Variants in KALRN observed in about 807,000 individuals in gnomAD.
KALRN encodes kalirin.
Under a neutral mutation model 353.7 loss-of-function variants are expected in KALRN, and 70 were observed. The observed-to-expected ratio is 0.20, with a 90% CI of 0.16 to 0.24. The LOEUF (loss-of-function observed/expected upper bound fraction) is 0.24, where lower values mean the gene tolerates loss of function less well. Ranked by LOEUF, KALRN falls within the 10% of genes least tolerant of loss-of-function variation. The pLI, the probability that KALRN is intolerant of heterozygous loss-of-function variation, is 1.00. For missense variants in KALRN, 2,791 were observed against 3,756.7 expected (o/e 0.74, Z 6.72); for synonymous variants, 1,391 against 1,434.8 (o/e 0.97, Z 0.69).
At chr3:124,130,415 C>T (rs1047114229) in intron 1 of KALRN, among the ~76,000 whole-genome samples, 1 of 152,148 alleles carries the variant, frequency 6.6e-6, no homozygotes, top group African/African-American at 2.4e-5. Context: ...TAAAGACTAA[C>T]ATCAGTTATC....
intron 1 of KALRN, among the ~76,000 whole-genome samples, chr3:124,059,090 CCTTTAA>C (rs1045488901): frequency 1.2e-4 from 18 of 152,044 alleles, no homozygotes; most frequent in African/African-American, 4.4e-4. Context: ...GTGTGGAGGT[CCTTTAA>C]CTTTCTCAGT....
At chr3:124,686,331 T>C (rs1297723367) in intron 51 of KALRN, among the ~76,000 whole-genome samples, 4 of 152,230 alleles carry the variant, frequency 2.6e-5, no homozygotes, top group African/African-American at 9.6e-5. Context: ...ACTATTCGCG[T>C]TATTCCCACT....
At chr3:124,335,557 A>T (rs1387363744) in intron 9 of KALRN, among the ~76,000 whole-genome samples, 1 of 152,044 alleles carries the variant, frequency 6.6e-6, no homozygotes, top group South Asian at 2.1e-4. Flanking sequence ...TGGAGGACTA[A>T]TATACTAGTG....
intron 9 of KALRN, among the ~76,000 whole-genome samples, chr3:124,339,788 A>T (rs2081501837): frequency 6.6e-6 from 1 of 152,220 alleles, no homozygotes; most frequent in Non-Finnish European, 1.5e-5. Context: ...GGTAGGAATT[A>T]AGAGAGGATA....
chr3:124,664,334 AGTGTGTGT>A (rs750940277), intron 45 of KALRN, among the ~76,000 whole-genome samples: 170 of 126,864 alleles, frequency 1.3e-3, no homozygotes, highest in Non-Finnish European at 1.7e-3. Flanking sequence ...TGTACATGTG[AGTGTGTGT>A]GTGTGTGTGT....
intron 33 of KALRN, among the ~76,000 whole-genome samples, chr3:124,520,121 T>TG (rs1345095808): frequency 6.8e-6 from 1 of 147,510 alleles, no homozygotes; most frequent in Non-Finnish European, 1.5e-5. Context: ...AGGAGTGTGG[T>TG]GGGGGGAAGG....
chr3:124,562,622 A>ATC, intron 33 of KALRN: 39 of 357,218 alleles, frequency 1.1e-4, no homozygotes, highest in South Asian at 2.4e-4. Flanking sequence ...GCACTGTGCT[A>ATC]ATTACATTTT....
Position 124,597,047 on chromosome 3 carries a change from T to TA in KALRN, c.5182+33967dup, listed in dbSNP as rs71270413. On this transcript the variant is annotated intron_variant, in intron 34 of 59. Coordinates refer to ENST00000682506, the MANE Select transcript of KALRN (RefSeq NM_001388419.1). ...TAGGTGACAGAGCAAGACTCTGTCTTAAAAAAAAACAAAAACAAAAACACA... is the reference window on the plus strand; with the variant it reads ...TAGGTGACAGAGCAAGACTCTGTCTTAAAAAAAAAACAAAAACAAAAACACA... Among the ~76,000 whole-genome samples the TA allele has an allele frequency of 6.3e-3, 913 of 145,436 alleles. 3 individuals are homozygous for TA. The highest frequency in any genetic ancestry group is 0.01 in the Non-Finnish European group (691 of 66,688).
In KALRN at chr3:124,161,769, C is replaced by T. The variant is rs1474161971; in HGVS notation, c.74-66221C>T. Among the ~76,000 whole-genome samples the T allele has an allele frequency of 2.6e-5, 4 of 152,216 alleles. No individual in the cohort carries two copies. In the East Asian group the frequency reaches 7.7e-4, roughly 29 times the overall value. ...TTATAGGATCACCCCCAATTGTCTC[C>T]TTCCTCTAGCTCCAAGGTGTTTTTG... On this transcript the variant is annotated intron_variant, in intron 1 of 59. Transcript: ENST00000682506.
intron 27 of KALRN, among the ~76,000 whole-genome samples, chr3:124,479,315 A>G (rs974669807): frequency 1.3e-5 from 2 of 152,248 alleles, no homozygotes; most frequent in African/African-American, 4.8e-5. Context: ...TGGAAGCCAC[A>G]AAACCAGTCC....
intron 1 of KALRN, among the ~76,000 whole-genome samples, chr3:124,178,477 A>C (rs1305547525): frequency 6.6e-6 from 1 of 152,242 alleles, no homozygotes; most frequent in Non-Finnish European, 1.5e-5. Context: ...TAGATGGTAC[A>C]GACTACTATA....
chr3:124,647,055 TATTTTA>T (rs557405494), intron 37 of KALRN, among the ~76,000 whole-genome samples: 5 of 152,118 alleles, frequency 3.3e-5, no homozygotes, highest in African/African-American at 4.8e-5. Context: ...TCTACTTCTT[TATTTTA>T]ATTTTAATTT....
intron 34 of KALRN, among the ~76,000 whole-genome samples, chr3:124,622,272 T>C (rs1262919849): frequency 6.6e-6 from 1 of 152,214 alleles, no homozygotes; most frequent in African/African-American, 2.4e-5. Flanking sequence ...ATTTCAGCCA[T>C]TGGAGTCAAA....
intron 33 of KALRN, among the ~76,000 whole-genome samples, chr3:124,505,985 C>T (rs2065172323): frequency 6.6e-6 from 1 of 152,168 alleles, no homozygotes; most frequent in Non-Finnish European, 1.5e-5. Flanking sequence ...TCTGCCACAA[C>T]CAAAGTGGCA....
chr3:124,276,146 G>A (rs111477849), intron 5 of KALRN, among the ~76,000 whole-genome samples: 177 of 152,254 alleles, frequency 1.2e-3, no homozygotes, highest in African/African-American at 4.1e-3. Context: ...CAATGTTTAT[G>A]CATTTTAATA....
Position 124,722,693 on chromosome 3 carries a change from G to C in KALRN, c.*3223G>C, listed in dbSNP as rs2063373937. On this transcript the variant is annotated 3_prime_UTR_variant, in exon 60 of 60. Transcript: ENST00000682506. ...AGGGGCCACTCTTGTTCCTGTTTTG[G>C]CGGAGAGATTTATTACTTGGTAGTA... 6.6e-6 allele frequency: 1 copy of C among 152,160 alleles called. No individual in the cohort carries two copies. The highest frequency in any genetic ancestry group is 6.5e-5 in the Admixed American group (1 of 15,270). The allele number at this position is 152,160 out of a possible 1,614,324, so 9.4% of individuals were successfully genotyped here.
intron 1 of KALRN, among the ~76,000 whole-genome samples, chr3:124,223,135 A>G (rs6788809): frequency 0.99 from 149,521 of 151,532 alleles, 73,799 homozygotes; most frequent in East Asian, 1. Context: ...TTGGAAACCC[A>G]TCTTTCTCTG....
At chr3:124,336,162 C>G (rs1182224580) in intron 9 of KALRN, among the ~76,000 whole-genome samples, 2 of 152,156 alleles carry the variant, frequency 1.3e-5, no homozygotes, top group Non-Finnish European at 2.9e-5. Context: ...GAGTCCTCTT[C>G]TGACTGGAGC....
At chr3:124,530,263 A>G (rs529555355) in intron 33 of KALRN, among the ~76,000 whole-genome samples, 3 of 152,334 alleles carry the variant, frequency 2.0e-5, no homozygotes, top group Admixed American at 2.0e-4. Context: ...ATAAATACTC[A>G]GGGAACAAAA....
Sources: allele counts gnomAD v4.1 joint callset (sites outside exome capture counted in the v4.1 genomes callset), GRCh38; gene constraint gnomAD v4.1.1; transcripts MANE v1.5; gene names NCBI Gene and HGNC (gene_info 2026-07-23, HGNC 2026-07-21).